The following TMEM60 variants were observed in gnomAD, a reference collection of about 807,000 sequenced individuals.
The protein encoded by TMEM60 is transmembrane protein 60.
In TMEM60, 4 loss-of-function variants were observed where a neutral mutation model predicts 10.7. The ratio of observed to expected loss-of-function variants is 0.37; its 90% CI spans 0.18 to 0.86. The LOEUF (loss-of-function observed/expected upper bound fraction) is 0.86, where lower values mean the gene tolerates loss of function less well. Among genes scored for constraint, TMEM60 ranks in the 40% least tolerant of loss-of-function variants. TMEM60 has a pLI of 0.43. For synonymous variants in TMEM60, 56 were observed against 58.1 expected (o/e 0.96, Z 0.17); for missense variants, 128 against 153.4 (o/e 0.83, Z 0.88).
At chr7:77,795,411 G>T (rs1035754364) in intron 1 of TMEM60, among the ~76,000 whole-genome samples, 1 of 151,878 alleles carries the variant, frequency 6.6e-6, no homozygotes, top group Non-Finnish European at 1.5e-5. Context: ...CCTGCTACTC[G>T]CGAGGCTGAA....
In TMEM60 at chr7:77,793,976, T is replaced by A. The variant is rs532835650; in HGVS notation, c.398A>T (p.Asp133Val). The part of the protein sequence containing the change: ...ELGYNVFFVR[D>V] ...AGGAGATGATGTACTTAGAAGTCAG[T>A]CTCTCACAAAAAAGACATTATATCC... Residue 133 changes from aspartate to valine, a missense_variant, in exon 2 of 2, where the codon GAC becomes GTC. Transcript: ENST00000257663. 2.6e-6 allele frequency: 4 copies of A among 1,561,740 alleles called. No homozygotes were observed. The East Asian group carries it at 6.8e-5, about 26-fold the overall frequency.
At chr7:77,795,338 G>T (rs1197794813) in intron 1 of TMEM60, among the ~76,000 whole-genome samples, 1 of 152,002 alleles carries the variant, frequency 6.6e-6, no homozygotes, top group African/African-American at 2.4e-5. Flanking sequence ...TGGGCAACAT[G>T]GCGAAACCCC....
In TMEM60 at chr7:77,794,278, A is replaced by C. The variant is rs1228342950; in HGVS notation, c.96T>G (p.Pro32=). Residue 32 remains proline (P), a synonymous_variant, in exon 2 of 2, where the codon CCT becomes CCG. Transcript: ENST00000257663. The part of the protein sequence containing the change: ...MLVLKLDEKA[P]WNWFLIFIPV... ...GAATGAATATGAGGAACCAGTTCCAAGGTGCTTTCTCATCCAGTTTCAACA... is the reference window on the plus strand; with the variant it reads ...GAATGAATATGAGGAACCAGTTCCACGGTGCTTTCTCATCCAGTTTCAACA... 1 of 1,613,778 alleles carries C rather than the reference A, an allele frequency of 6.2e-7. No homozygotes were observed. Among genetic ancestry groups the C allele is most frequent in the Admixed American group, 1.7e-5 (1 of 59,962 alleles).
At chr7:77,796,159 A>G (rs981540275) in intron 1 of TMEM60, among the ~76,000 whole-genome samples, 1 of 152,036 alleles carries the variant, frequency 6.6e-6, no homozygotes, top group Non-Finnish European at 1.5e-5. Context: ...GCTGATCTCG[A>G]ACTCCTGACC....
chr7:77,796,512 G>C (rs554710347), intron 1 of TMEM60, among the ~76,000 whole-genome samples: 2 of 152,118 alleles, frequency 1.3e-5, no homozygotes, highest in Admixed American at 1.3e-4. Flanking sequence ...ACCAAGAAAT[G>C]GAAACAATTG....
rs1192591538 is a variant in TMEM60 at position 77,798,240 on chromosome 7, A to G, written c.-51+14T>C. ...CGGCGTACGGTGCGGGCTAGGGCAG[A>G]GCCCCAGACTCACCTGGCAGCGCTG... is the stretch of plus-strand genomic sequence containing the variant. On this transcript the variant is annotated intron_variant, in intron 1 of 1. Coordinates refer to ENST00000257663, the MANE Select transcript of TMEM60 (RefSeq NM_032936.4). 1 of 152,286 alleles carries G rather than the reference A, an allele frequency of 6.6e-6. No individual in the cohort carries two copies. The highest frequency in any genetic ancestry group is 1.5e-5 in the Non-Finnish European group (1 of 68,092). The allele number at this position is 152,286 out of a possible 1,614,324, so 9.4% of individuals were successfully genotyped here. A position where few individuals can be genotyped will look rare whatever the true frequency, so the allele number is the denominator to read the frequency against.
Position 77,793,818 on chromosome 7 carries a change from T to G in TMEM60, c.*154A>C, listed in dbSNP as rs1181425260. On this transcript the variant is annotated 3_prime_UTR_variant, in exon 2 of 2. Transcript: ENST00000257663. ...AATTAAGCTGTAGGTTGACTAGAAG[T>G]CCGTGATTCACCAATCCTGTTTTAT... 9 of 759,240 alleles carry G rather than the reference T, an allele frequency of 1.2e-5. No homozygotes were observed. The highest frequency in any genetic ancestry group is 1.6e-5 in the Non-Finnish European group (8 of 508,828). 47.0% of individuals were successfully genotyped at this position (759,240 alleles called of 1,614,324 possible).
intron 1 of TMEM60, among the ~76,000 whole-genome samples, chr7:77,795,514 TA>T (rs11286354): frequency 0.46 from 68,435 of 150,350 alleles, 16,100 homozygotes; most frequent in African/African-American, 0.57. Context: ...GACCACTGTC[TA>T]AAAAAAAAAG....
At chr7:77,795,005 T>C (rs902485090) in intron 1 of TMEM60, among the ~76,000 whole-genome samples, 7 of 152,052 alleles carry the variant, frequency 4.6e-5, no homozygotes, top group African/African-American at 1.7e-4. Context: ...AATAAAAAAA[T>C]TGGCAAGGCG....
intron 1 of TMEM60, among the ~76,000 whole-genome samples, chr7:77,794,939 T>C (rs922915874): frequency 2.0e-5 from 3 of 152,160 alleles, no homozygotes; most frequent in African/African-American, 7.2e-5. Context: ...GCATATCATT[T>C]GAGCCCAAGA....
chr7:77,796,569 GAT>G lies in TMEM60; in HGVS notation c.-51+1683_-51+1684del, dbSNP rs535505961. On this transcript the variant is annotated intron_variant, in intron 1 of 1. Coordinates refer to ENST00000257663, the MANE Select transcript of TMEM60 (RefSeq NM_032936.4). The stretch of plus-strand genomic sequence containing the variant: ...GCATTTGGAGAAGAGAAAAATGAAA[GAT>G]AGGGTATATGAAACTGAAAGAAGAA... 3.1e-3 allele frequency among the ~76,000 whole-genome samples: 467 copies of G among 152,252 alleles called. 1 individual carries two copies. The highest frequency in any genetic ancestry group is 4.7e-3 in the Admixed American group (72 of 15,290).
In TMEM60 at chr7:77,793,875, C is replaced by A; in HGVS notation, c.*97G>T. On this transcript the variant is annotated 3_prime_UTR_variant, in exon 2 of 2. Coordinates refer to ENST00000257663, the MANE Select transcript of TMEM60 (RefSeq NM_032936.4). The stretch of plus-strand genomic sequence containing the variant: ...AGTATAAAACTACATTTGGTATTTT[C>A]CCTCAGTTCTCTGGTATTCTTGAAG... 7.5e-7 allele frequency: 1 copy of A among 1,331,242 alleles called. No homozygotes were observed. Among genetic ancestry groups the A allele is most frequent in the African/African-American group, 1.5e-5 (1 of 66,690 alleles). 82.5% of individuals were successfully genotyped at this position (1,331,242 alleles called of 1,614,324 possible). A position where few individuals can be genotyped will look rare whatever the true frequency, so the allele number is the denominator to read the frequency against.
chr7:77,797,090 G>A (rs1792187758), intron 1 of TMEM60, among the ~76,000 whole-genome samples: 1 of 152,204 alleles, frequency 6.6e-6, no homozygotes, highest in Non-Finnish European at 1.5e-5. Context: ...AGAGTGGGAT[G>A]TGGGACTGAA....
In TMEM60 at chr7:77,793,875, C is replaced by G. The variant is rs1584314250; in HGVS notation, c.*97G>C. 2 of 1,331,242 alleles carry G rather than the reference C, an allele frequency of 1.5e-6. No individual in the cohort carries two copies. The highest frequency in any genetic ancestry group is 5.2e-5 in the East Asian group (2 of 38,716). 82.5% of individuals were successfully genotyped at this position (1,331,242 alleles called of 1,614,324 possible). A position where few individuals can be genotyped will look rare whatever the true frequency, so the allele number is the denominator to read the frequency against. ...AGTATAAAACTACATTTGGTATTTTCCCTCAGTTCTCTGGTATTCTTGAAG... is the reference window on the plus strand; with the variant it reads ...AGTATAAAACTACATTTGGTATTTTGCCTCAGTTCTCTGGTATTCTTGAAG... On this transcript the variant is annotated 3_prime_UTR_variant, in exon 2 of 2. Transcript: ENST00000257663.
Position 77,794,105 on chromosome 7 carries a change from A to G in TMEM60, c.269T>C (p.Phe90Ser). The G allele has an allele frequency of 6.2e-7, 1 of 1,614,200 alleles. No individual in the cohort carries two copies. The highest frequency in any genetic ancestry group is 2.2e-5 in the East Asian group (1 of 44,882). The change falls in exon 2 of 2, where the codon TTC (phenylalanine) becomes TCC (serine). Residue 90 changes from phenylalanine (F) to serine (S), a missense_variant. Transcript: ENST00000257663. ...YLIAMLLKLA[F>S]CLALCAKLEQ... ...CAGTTTAGCACAGAGTGCGAGGCAG[A>G]AGGCTAATTTAAGTAACATTGCAAT... is the stretch of plus-strand genomic sequence containing the variant.
At chr7:77,794,448 A>G (rs1792147410) in intron 1 of TMEM60, 25 bp from the exon 2 acceptor site, 1 of 1,383,326 alleles carries the variant, frequency 7.2e-7, no homozygotes, top group Non-Finnish European at 9.4e-7. Context: ...AAAAGTCAAG[A>G]TTGTTTTGAT....
At chr7:77,797,419 G>C (rs950200325) in intron 1 of TMEM60, among the ~76,000 whole-genome samples, 1 of 152,172 alleles carries the variant, frequency 6.6e-6, no homozygotes, top group Non-Finnish European at 1.5e-5. Context: ...TTCTTGCACG[G>C]AAATACCCTC....
Position 77,793,868 on chromosome 7 carries a change from G to T in TMEM60, c.*104C>A. 7.8e-7 allele frequency: 1 copy of T among 1,281,650 alleles called. No individual in the cohort carries two copies. The allele number at this position is 1,281,650 out of a possible 1,614,324, so 79.4% of individuals were successfully genotyped here. A position where few individuals can be genotyped will look rare whatever the true frequency, so the allele number is the denominator to read the frequency against. ...TGGAAGTAGTATAAAACTACATTTGGTATTTTCCCTCAGTTCTCTGGTATT... is the reference window on the plus strand; with the variant it reads ...TGGAAGTAGTATAAAACTACATTTGTTATTTTCCCTCAGTTCTCTGGTATT... On this transcript the variant is annotated 3_prime_UTR_variant, in exon 2 of 2. Transcript: ENST00000257663.
Position 77,793,994 on chromosome 7 carries a change from T to C in TMEM60, c.380A>G (p.Asn127Ser). The part of the protein sequence containing the change: ...LAGALTELGY[N>S]VFFVRD Reference sequence around the variant, plus strand: ...AAGTCAGTCTCTCACAAAAAAGACATTATATCCGAGTTCTGTTAAAGCCCC... The same window carrying C: ...AAGTCAGTCTCTCACAAAAAAGACACTATATCCGAGTTCTGTTAAAGCCCC... Residue 127 changes from asparagine (N) to serine (S), a missense_variant, in exon 2 of 2, where the codon AAT becomes AGT. Transcript: ENST00000257663. 1 of 1,578,248 alleles carries C rather than the reference T, an allele frequency of 6.3e-7. No individual in the cohort carries two copies. The highest frequency in any genetic ancestry group is 8.6e-7 in the Non-Finnish European group (1 of 1,166,758).
Sources: allele counts gnomAD v4.1 joint callset (sites outside exome capture counted in the v4.1 genomes callset), GRCh38; gene constraint gnomAD v4.1.1; transcripts MANE v1.5; gene names NCBI Gene and HGNC (gene_info 2026-07-23, HGNC 2026-07-21).